The following CBLN2 variants were observed in gnomAD, a reference collection of about 807,000 sequenced individuals.
CBLN2 encodes the protein cerebellin-2.
CBLN2 carries 7 observed loss-of-function variants against 15.0 expected under a neutral mutation model. The ratio of observed to expected loss-of-function variants is 0.47; its 90% CI spans 0.27 to 0.88. The LOEUF (loss-of-function observed/expected upper bound fraction) is 0.88, where lower values mean the gene tolerates loss of function less well. Among genes scored for constraint, CBLN2 ranks in the 40% least tolerant of loss-of-function variants. CBLN2 has a pLI of 0.14. For missense variants in CBLN2, 242 were observed against 304.5 expected, an observed-to-expected ratio of 0.79 and a Z score of 1.53; for synonymous variants, 149 against 135.2, an observed-to-expected ratio of 1.10 and a Z score of -0.71.
intron 1 of CBLN2, among the ~76,000 whole-genome samples, chr18:72,591,875 A>T (rs2069482006): frequency 1.3e-5 from 2 of 152,270 alleles, no homozygotes; most frequent in South Asian, 4.1e-4. Flanking sequence ...TATATGTACC[A>T]TATTTTCTTT....
At chr18:72,620,285 G>A (rs184773869) in intron 1 of CBLN2, 10 of 152,224 alleles carry the variant, frequency 6.6e-5, no homozygotes, top group African/African-American at 1.7e-4. Context: ...TGTGGCTCCC[G>A]AGCTCTTGTC....
intron 1 of CBLN2, among the ~76,000 whole-genome samples, chr18:72,606,388 T>C (rs921344228): frequency 6.6e-6 from 1 of 152,186 alleles, no homozygotes; most frequent in African/African-American, 2.4e-5. Context: ...TAAGAATCTG[T>C]ATGATTTTTT....
Position 72,572,087 on chromosome 18 carries a change from G to C in CBLN2, c.16-33315C>G, listed in dbSNP as rs569694751. On this transcript the variant is annotated intron_variant, in intron 1 of 2. Transcript: ENST00000581073. ...AGAGGCTTTTGCATCGACTATTACT[G>C]TGGAGCCCATAATCTAGGGTTTGGG... 5.3e-5 allele frequency among the ~76,000 whole-genome samples: 8 copies of C among 152,168 alleles called. No individual in the cohort carries two copies. In the South Asian group the frequency reaches 1.7e-3, roughly 32 times the overall value.
Position 72,571,484 on chromosome 18 carries a change from C to T in CBLN2, c.16-32712G>A, listed in dbSNP as rs138062251. On this transcript the variant is annotated intron_variant, in intron 1 of 2. Coordinates refer to the CBLN2 transcript ENST00000581073. The stretch of plus-strand genomic sequence containing the variant: ...TGAAAAGAGCAAAAGTGGCGAAAGA[C>T]GTGGGGAAATTTATGGAGTAAGTAA... Among the ~76,000 whole-genome samples the T allele has an allele frequency of 3.5e-3, 539 of 152,206 alleles. 12 individuals are homozygous for T. Among genetic ancestry groups the T allele is most frequent in the East Asian group, 8.7e-3 (45 of 5,186 alleles).
At chr18:72,565,455 A>G (rs887592534) in intron 1 of CBLN2, among the ~76,000 whole-genome samples, 1 of 152,192 alleles carries the variant, frequency 6.6e-6, no homozygotes, top group African/African-American at 2.4e-5. Flanking sequence ...GTAGCTAAAA[A>G]ACTTGTTGAG....
intron 1 of CBLN2, among the ~76,000 whole-genome samples, chr18:72,580,200 C>CT (rs1459352760): frequency 6.6e-6 from 1 of 151,736 alleles, no homozygotes; most frequent in Non-Finnish European, 1.5e-5. Flanking sequence ...TAGAAATGTT[C>CT]TTAAAAGCTA....
At chr18:72,572,984 GA>G (rs1370535495) in intron 1 of CBLN2, among the ~76,000 whole-genome samples, 19 of 152,132 alleles carry the variant, frequency 1.2e-4, no homozygotes, top group South Asian at 6.2e-4. Flanking sequence ...ATTAGTGAAG[GA>G]GCTTTTCTCT....
At position 72,543,906 on chromosome 18, in the gene CBLN2, G is replaced by C. The variant is rs932579467; in HGVS notation, c.-212+71C>G. 6.5e-6 allele frequency: 1 copy of C among 152,970 alleles called. No individual in the cohort carries two copies. Among genetic ancestry groups the C allele is most frequent in the Admixed American group, 6.6e-5 (1 of 15,258 alleles). 9.5% of individuals were successfully genotyped at this position (152,970 alleles called of 1,614,324 possible). A position where few individuals can be genotyped will look rare whatever the true frequency, so the allele number is the denominator to read the frequency against. ...CCAGAGGGCATAGCCGAGCGCTGCC[G>C]CCTCCCTAGGACTCGGAACCTTCCC... On this transcript the variant is annotated intron_variant, in intron 1 of 4. Coordinates refer to ENST00000269503, the MANE Select transcript of CBLN2 (RefSeq NM_182511.4). The surrounding 1 kb of genome is among the most constrained non-coding windows in gnomAD (Gnocchi z 6.8).
At chr18:72,557,774 A>G (rs2069235705) in intron 1 of CBLN2, among the ~76,000 whole-genome samples, 1 of 152,192 alleles carries the variant, frequency 6.6e-6, no homozygotes, top group African/African-American at 2.4e-5. Flanking sequence ...GTGCGGGGAG[A>G]GAGCATTAGG....
chr18:72,624,758 A>ATG (rs952770883), intron 1 of CBLN2, among the ~76,000 whole-genome samples: 17 of 152,176 alleles, frequency 1.1e-4, no homozygotes, highest in Non-Finnish European at 1.8e-4. Context: ...TTACATAATT[A>ATG]TGTGTGTGTG....
At chr18:72,617,109 T>A (rs2069667598) in intron 1 of CBLN2, among the ~76,000 whole-genome samples, 1 of 152,152 alleles carries the variant, frequency 6.6e-6, no homozygotes, top group African/African-American at 2.4e-5. Context: ...TAAAAACACG[T>A]TCTTACAGAA....
At position 72,543,508 on chromosome 18, in the gene CBLN2, G is replaced by T; in HGVS notation, c.-189C>A. On this transcript the variant is annotated 5_prime_UTR_variant, in exon 2 of 5. Transcript: ENST00000269503. This position sits in a 1 kb window ranked among gnomAD's most constrained non-coding sequence, Gnocchi z 6.8. ...TACCTGGAACATCCATGCTGGGCGA[G>T]CTCCGCTGTCCGCGAAGTTGCTCTG... is the stretch of plus-strand genomic sequence containing the variant. 2.5e-6 allele frequency: 1 copy of T among 398,606 alleles called. No homozygotes were observed. Among genetic ancestry groups the T allele is most frequent in the Non-Finnish European group, 4.4e-6 (1 of 226,132 alleles). The allele number at this position is 398,606 out of a possible 1,614,324, so 24.7% of individuals were successfully genotyped here.
chr18:72,601,200 C>T (rs1391311285), intron 1 of CBLN2, among the ~76,000 whole-genome samples: 1 of 152,132 alleles, frequency 6.6e-6, no homozygotes, highest in Non-Finnish European at 1.5e-5. Flanking sequence ...GGTTGAAGTA[C>T]AAACTCAATT....
At chr18:72,565,112 A>T (rs1391924181) in intron 1 of CBLN2, among the ~76,000 whole-genome samples, 1 of 152,222 alleles carries the variant, frequency 6.6e-6, no homozygotes, top group African/African-American at 2.4e-5. Context: ...ATCAGCAAAG[A>T]TCAGCATTAC....
At chr18:72,602,286 C>T (rs114110465) in intron 1 of CBLN2, among the ~76,000 whole-genome samples, 3,012 of 152,312 alleles carry the variant, frequency 0.02, 68 homozygotes, top group African/African-American at 0.05. Flanking sequence ...GGATGGTGGA[C>T]GGCAAAGCCT....
chr18:72,555,268 G>A (rs543240964), intron 1 of CBLN2, among the ~76,000 whole-genome samples: 32 of 152,308 alleles, frequency 2.1e-4, no homozygotes, highest in African/African-American at 7.2e-4. Context: ...AAGCCTGCTG[G>A]TGGTCAGAGA....
upstream of CBLN2, among the ~76,000 whole-genome samples, chr18:72,548,894 T>C (rs903093050): frequency 5.3e-5 from 8 of 152,198 alleles, no homozygotes; most frequent in Admixed American, 5.2e-4. Flanking sequence ...AGGAAGGGGA[T>C]CCAAACTGTA....
chr18:72,595,717 A>G (rs1280003945), intron 1 of CBLN2, among the ~76,000 whole-genome samples: 3 of 152,162 alleles, frequency 2.0e-5, no homozygotes, highest in East Asian at 3.8e-4. Flanking sequence ...TTGAGTGCAT[A>G]TATATTTACA....
At chr18:72,623,011 G>A (rs1293085837) in intron 1 of CBLN2, among the ~76,000 whole-genome samples, 2 of 152,192 alleles carry the variant, frequency 1.3e-5, no homozygotes, top group African/African-American at 4.8e-5. Flanking sequence ...TCCACAGACT[G>A]TACAGGCATG....
Sources: allele counts gnomAD v4.1 joint callset (sites outside exome capture counted in the v4.1 genomes callset), GRCh38; gene constraint gnomAD v4.1.1; non-coding constraint Gnocchi (gnomAD v3.1); transcripts MANE v1.5; gene names NCBI Gene and HGNC (gene_info 2026-07-23, HGNC 2026-07-21).